EPHA4: variants seen among roughly 807,000 people sequenced by gnomAD.
The protein encoded by EPHA4 is EPH receptor A4.
A neutral mutation model predicts 108.3 loss-of-function variants in EPHA4; 19 were observed. The observed-to-expected ratio is 0.18, with a 90% CI of 0.12 to 0.26. The LOEUF is 0.26. EPHA4 is among the 10% of genes least tolerant of loss of function. The pLI is 1.00. For synonymous variants in EPHA4, 449 were observed against 455.5 expected (o/e 0.99, Z 0.18); for missense variants, 917 against 1,254.0 (o/e 0.73, Z 4.06).
At chr2:221,510,657 G>A (rs1303153605) in intron 3 of EPHA4, among the ~76,000 whole-genome samples, 1 of 152,144 alleles carries the variant, frequency 6.6e-6, no homozygotes, top group Non-Finnish European at 1.5e-5. Context: ...AAATCTTCCA[G>A]AAGAAACTTT....
rs1404649512 is a variant in EPHA4 at position 221,540,963 on chromosome 2, C to T, written c.823+22768G>A. Among the ~76,000 whole-genome samples, 61 of 110,278 alleles carry T rather than the reference C, an allele frequency of 5.5e-4. 1 individual carries two copies. Among genetic ancestry groups the T allele is most frequent in the Middle Eastern group, 5.3e-3 (1 of 188 alleles). The allele number at this position is 110,278 out of a possible 152,430, so 72.3% of individuals were successfully genotyped here. A position where few individuals can be genotyped will look rare whatever the true frequency, so the allele number is the denominator to read the frequency against. On this transcript the variant is annotated intron_variant, in intron 3 of 17. Coordinates refer to ENST00000281821, the MANE Select transcript of EPHA4 (RefSeq NM_004438.5). ...TTTTTTTTTTTTTTTGAGGGTATGG[C>T]GGGGAGAGAGTCTTACTCTGTCTTC... is the stretch of plus-strand genomic sequence containing the variant.
chr2:221,549,852 A>G (rs528780393), intron 3 of EPHA4, among the ~76,000 whole-genome samples: 5 of 152,270 alleles, frequency 3.3e-5, no homozygotes, highest in South Asian at 2.1e-4. Context: ...TTAGCCAGTC[A>G]TGGTGGCATG....
At chr2:221,555,256 G>A (rs576643816) in intron 3 of EPHA4, among the ~76,000 whole-genome samples, 30 of 152,156 alleles carry the variant, frequency 2.0e-4, no homozygotes, top group Non-Finnish European at 3.5e-4. Flanking sequence ...AATCAAAACC[G>A]AATTAATTTG....
intron 2 of EPHA4, among the ~76,000 whole-genome samples, chr2:221,567,191 C>T (rs1049360399): frequency 3.3e-5 from 5 of 151,978 alleles, no homozygotes; most frequent in Non-Finnish European, 7.4e-5. Flanking sequence ...TAAAAGCAGC[C>T]AGTAAGAAAA....
chr2:221,507,458 A>G (rs2106162557), intron 3 of EPHA4, among the ~76,000 whole-genome samples: 1 of 152,268 alleles, frequency 6.6e-6, no homozygotes, highest in African/African-American at 2.4e-5. Context: ...CTGCAATTAT[A>G]TATTATGATT....
chr2:221,566,869 AAGAAGAAGG>A, intron 2 of EPHA4, among the ~76,000 whole-genome samples: 1 of 70,452 alleles, frequency 1.4e-5, no homozygotes, highest in African/African-American at 6.6e-5. Flanking sequence ...GAAGAAGAAG[AAGAAGAAGG>A]AGAAGGAGAA....
At chr2:221,474,661 A>C (rs1691603924) in intron 5 of EPHA4, among the ~76,000 whole-genome samples, 1 of 152,160 alleles carries the variant, frequency 6.6e-6, no homozygotes, top group African/African-American at 2.4e-5. Flanking sequence ...TTTCAGCAAA[A>C]TCTCTCAGTG....
At chr2:221,488,776 C>T (rs568036398) in intron 4 of EPHA4, among the ~76,000 whole-genome samples, 59 of 152,260 alleles carry the variant, frequency 3.9e-4, no homozygotes, top group African/African-American at 1.4e-3. Context: ...CAACCATGTG[C>T]TCTTCTCTGG....
chr2:221,543,565 C>T (rs1178929658), intron 3 of EPHA4, among the ~76,000 whole-genome samples: 2 of 152,190 alleles, frequency 1.3e-5, no homozygotes, highest in African/African-American at 4.8e-5. Flanking sequence ...TTCGCTTCAA[C>T]ATGGCTCTAA....
chr2:221,570,132 A>AG (rs1479466419), intron 1 of EPHA4, among the ~76,000 whole-genome samples: 3 of 152,124 alleles, frequency 2.0e-5, no homozygotes, highest in African/African-American at 7.2e-5. Flanking sequence ...TTACAAAAAA[A>AG]GGAGGGAGTA....
Position 221,528,891 on chromosome 2 carries a change from G to A in EPHA4, c.824-27719C>T, listed in dbSNP as rs529092168. Among the ~76,000 whole-genome samples, 158 of 152,170 alleles carry A rather than the reference G, an allele frequency of 1.0e-3. No homozygotes were observed. In the South Asian group the frequency reaches 0.032, roughly 31 times the overall value. On this transcript the variant is annotated intron_variant, in intron 3 of 17. Transcript: ENST00000281821. ...AAAGGCATGCTCTTATCCTCTGTCC[G>A]ACATACTCTCTAACACAACCAGATA...
chr2:221,530,855 A>T (rs1337329666), intron 3 of EPHA4, among the ~76,000 whole-genome samples: 1 of 152,054 alleles, frequency 6.6e-6, no homozygotes, highest in Non-Finnish European at 1.5e-5. Flanking sequence ...GTACTCCTCC[A>T]CTGTGCTGTG....
At chr2:221,481,305 A>T (rs1009509352) in intron 5 of EPHA4, among the ~76,000 whole-genome samples, 53 of 152,264 alleles carry the variant, frequency 3.5e-4, no homozygotes, top group Middle Eastern at 3.4e-3. Flanking sequence ...TAGGAATTGG[A>T]GGAGACTGGC....
intron 3 of EPHA4, among the ~76,000 whole-genome samples, chr2:221,522,252 C>T (rs1336911183): frequency 6.6e-6 from 1 of 152,088 alleles, no homozygotes; most frequent in African/African-American, 2.4e-5. Flanking sequence ...CATGAAGAAA[C>T]CCAAGAGAAA....
chr2:221,554,971 C>T (rs1047556991), intron 3 of EPHA4, among the ~76,000 whole-genome samples: 2 of 152,150 alleles, frequency 1.3e-5, no homozygotes, highest in Non-Finnish European at 2.9e-5. Context: ...ACATTCCTAG[C>T]ATAATCTGAA....
intron 3 of EPHA4, among the ~76,000 whole-genome samples, chr2:221,519,823 A>T (rs1479816214): frequency 6.6e-6 from 1 of 152,178 alleles, no homozygotes; most frequent in African/African-American, 2.4e-5. Context: ...TAACCAAATC[A>T]GCCTTTCAAA....
In EPHA4 at chr2:221,421,079, C is replaced by T. The variant is rs561179676; in HGVS notation, c.*820-527G>A. On this transcript the variant is annotated intron_variant, in intron 17 of 17. Coordinates refer to ENST00000281821, the MANE Select transcript of EPHA4 (RefSeq NM_004438.5). Reference sequence around the variant, plus strand: ...TTTGGGAGCCGAGGTGGGCGGATCACGAGGTCAGGAGATTGAGACCATCCT... The same window carrying T: ...TTTGGGAGCCGAGGTGGGCGGATCATGAGGTCAGGAGATTGAGACCATCCT... 9.9e-5 allele frequency among the ~76,000 whole-genome samples: 15 copies of T among 152,164 alleles called. No homozygotes were observed. In the South Asian group the frequency reaches 2.7e-3, roughly 27 times the overall value.
At chr2:221,430,646 G>T (rs907819678) in intron 14 of EPHA4, among the ~76,000 whole-genome samples, 2 of 152,184 alleles carry the variant, frequency 1.3e-5, no homozygotes, top group African/African-American at 2.4e-5. Flanking sequence ...TAGACAGCCA[G>T]TGTGTCAACA....
intron 3 of EPHA4, among the ~76,000 whole-genome samples, chr2:221,526,058 C>T (rs908050551): frequency 6.6e-6 from 1 of 152,158 alleles, no homozygotes; most frequent in Non-Finnish European, 1.5e-5. Context: ...AATTATGGCT[C>T]AGCACTTTAT....
Sources: allele counts gnomAD v4.1 joint callset (sites outside exome capture counted in the v4.1 genomes callset), GRCh38; gene constraint gnomAD v4.1.1; transcripts MANE v1.5; gene names NCBI Gene and HGNC (gene_info 2026-07-23, HGNC 2026-07-21).